Variants in ZNF718 observed in about 807,000 individuals in gnomAD.
ZNF718 encodes the protein zinc finger protein 718.
A neutral mutation model predicts 2.6 loss-of-function variants in ZNF718; 3 were observed. The ratio of observed to expected loss-of-function variants is 1.16; its 90% CI spans 0.53 to 3.01. ZNF718 has a LOEUF of 3.01. Ranked by LOEUF, ZNF718 falls within the 30% of genes most tolerant of loss-of-function variation. The pLI, the probability that ZNF718 is intolerant of heterozygous loss-of-function variation, is 0.03. For missense variants in ZNF718, 468 were observed against 230.0 expected (o/e 2.03, Z -6.69); for synonymous variants, 135 against 77.9 (o/e 1.73, Z -3.86).
At chr4:142,574 G>T (rs1421947476) in intron 3 of ZNF718, among the ~76,000 whole-genome samples, 1 of 152,148 alleles carries the variant, frequency 6.6e-6, no homozygotes, top group Non-Finnish European at 1.5e-5. Context: ...CCTTTCCCAT[G>T]GTTTAAAGTA....
At chr4:134,418 A>G (rs1285952550) in intron 3 of ZNF718, among the ~76,000 whole-genome samples, 1 of 152,206 alleles carries the variant, frequency 6.6e-6, no homozygotes, top group African/African-American at 2.4e-5. Flanking sequence ...GCTGGGGATT[A>G]CAGGCGTGAG....
intron 3 of ZNF718, among the ~76,000 whole-genome samples, chr4:171,199 C>T (rs1717219308): frequency 6.6e-6 from 1 of 152,150 alleles, no homozygotes; most frequent in Non-Finnish European, 1.5e-5. Context: ...CTGATCGTTC[C>T]TCTGGAAGTT....
rs1363235170 is a variant in ZNF718, at chr4:124,527, G to A, written c.-144G>A. On this transcript the variant is annotated 5_prime_UTR_variant, in exon 1 of 4. Coordinates refer to ENST00000510175, the MANE Select transcript of ZNF718 (RefSeq NM_001039127.6). ...GCTTTTGCTTGTAGCTCCAGCCAGA[G>A]CTCGGTTAGGGCCTCATCGCTCTGC... 7.9e-5 allele frequency: 93 copies of A among 1,172,410 alleles called. No individual in the cohort carries two copies. Among genetic ancestry groups the A allele is most frequent in the Non-Finnish European group, 1.1e-4 (89 of 801,572 alleles). 72.6% of individuals were successfully genotyped at this position (1,172,410 alleles called of 1,614,324 possible).
In ZNF718 at chr4:160,963, A is replaced by T. The variant is rs781956027; in HGVS notation, c.278A>T (p.Asp93Val). ...CTTTGGACAGTGCAGGGCATAGAAG[A>T]TTCATTCCACAAACTTATACCAAAA... The part of the protein sequence containing the change: ...QNLWTVQGIE[D>V]SFHKLIPKGH... Residue 93 changes from aspartate (D) to valine (V), a missense_variant, in exon 4 of 4, where the codon GAT becomes GTT. Coordinates refer to ENST00000510175, the MANE Select transcript of ZNF718 (RefSeq NM_001039127.6). 1.3e-6 allele frequency: 1 copy of T among 780,890 alleles called. No homozygotes were observed. The highest frequency in any genetic ancestry group is 1.3e-5 in the South Asian group (1 of 74,606). 48.4% of individuals were successfully genotyped at this position (780,890 alleles called of 1,614,324 possible). A position where few individuals can be genotyped will look rare whatever the true frequency, so the allele number is the denominator to read the frequency against.
intron 3 of ZNF718, among the ~76,000 whole-genome samples, chr4:146,099 A>G (rs1553811256): frequency 7.0e-6 from 1 of 142,214 alleles, no homozygotes; most frequent in Non-Finnish European, 1.5e-5. Flanking sequence ...ATATATATAT[A>G]TGTTTTCCAG....
chr4:200,868 G>T (rs1553822679), intron 3 of ZNF718, among the ~76,000 whole-genome samples: 1 of 152,128 alleles, frequency 6.6e-6, no homozygotes, highest in East Asian at 1.9e-4. Flanking sequence ...AAATTCACAA[G>T]GCAATACTTC....
At chr4:198,083 G>T (rs555830402) in intron 3 of ZNF718, among the ~76,000 whole-genome samples, 2 of 152,118 alleles carry the variant, frequency 1.3e-5, no homozygotes, top group Non-Finnish European at 2.9e-5. Context: ...GGGTAGCAGT[G>T]GCACTTGCTT....
chr4:155,024 AG>A (rs1716499889), intron 3 of ZNF718, among the ~76,000 whole-genome samples: 2 of 152,196 alleles, frequency 1.3e-5, no homozygotes, highest in Admixed American at 6.5e-5. Context: ...GGTACAGCTT[AG>A]GCCTTGGCTT....
chr4:167,455 C>T (rs185938935), downstream of ZNF718, among the ~76,000 whole-genome samples: 2,672 of 152,226 alleles, frequency 0.018, 80 homozygotes, highest in African/African-American at 0.061. Flanking sequence ...TGGCCATTTT[C>T]ATGATATTGA....
intron 3 of ZNF718, chr4:136,548 T>G (rs781984374): frequency 2.0e-6 from 1 of 496,630 alleles, no homozygotes. Flanking sequence ...GTTGGCCACC[T>G]GGGTGAGGCC....
intron 3 of ZNF718, among the ~76,000 whole-genome samples, chr4:145,469 C>G (rs746289127): frequency 6.6e-6 from 1 of 152,114 alleles, no homozygotes; most frequent in East Asian, 1.9e-4. Context: ...AACAATGTAA[C>G]TTCTTTTTTT....
At chr4:138,769 C>A (rs576103888) in intron 3 of ZNF718, among the ~76,000 whole-genome samples, 15 of 152,180 alleles carry the variant, frequency 9.9e-5, no homozygotes, top group African/African-American at 3.4e-4. Flanking sequence ...GTTCAACTTT[C>A]ACTTTTCTCC....
chr4:157,963 A>G (rs1337767319), intron 3 of ZNF718, among the ~76,000 whole-genome samples: 2 of 151,916 alleles, frequency 1.3e-5, no homozygotes, highest in African/African-American at 4.9e-5. Context: ...TGCTTTGTAT[A>G]TCTTGGCTTT....
At chr4:143,883 A>G (rs544265118) in intron 3 of ZNF718, among the ~76,000 whole-genome samples, 146 of 152,222 alleles carry the variant, frequency 9.6e-4, no homozygotes, top group Non-Finnish European at 1.9e-3. Context: ...AAGCCAGCAT[A>G]AAGCAGTTAC....
chr4:158,736 T>C (rs1253008034), intron 3 of ZNF718, among the ~76,000 whole-genome samples: 2 of 151,830 alleles, frequency 1.3e-5, no homozygotes, highest in African/African-American at 4.8e-5. Flanking sequence ...ATCTTTCACA[T>C]TTTGGAGAAT....
intron 3 of ZNF718, among the ~76,000 whole-genome samples, chr4:143,830 G>A (rs998305929): frequency 6.6e-6 from 1 of 152,116 alleles, no homozygotes; most frequent in South Asian, 2.1e-4. Flanking sequence ...AGACAGAACA[G>A]GGCGAGAGTA....
rs1350767354 is a variant in ZNF718, at chr4:130,936, A to C, written c.130+22A>C. ...CTGGGTAAGGATAACTTTAATATGTAATTCCTAATACTTTTTCAGAATTTC... is the reference window on the plus strand; with the variant it reads ...CTGGGTAAGGATAACTTTAATATGTCATTCCTAATACTTTTTCAGAATTTC... On this transcript the variant is annotated intron_variant, in intron 2 of 3. Coordinates refer to ENST00000510175, the MANE Select transcript of ZNF718 (RefSeq NM_001039127.6). The C allele has an allele frequency of 6.3e-6, 2 of 316,566 alleles. 1 individual carries two copies. The highest frequency in any genetic ancestry group is 1.1e-5 in the Non-Finnish European group (2 of 174,098). The allele number at this position is 316,566 out of a possible 1,614,324, so 19.6% of individuals were successfully genotyped here.
chr4:198,212 G>A (rs1717830130), intron 3 of ZNF718, among the ~76,000 whole-genome samples: 1 of 152,098 alleles, frequency 6.6e-6, no homozygotes, highest in Non-Finnish European at 1.5e-5. Context: ...GCACAATAAA[G>A]TTGATGTTGA....
At chr4:189,543 A>G (rs568717927) in intron 3 of ZNF718, among the ~76,000 whole-genome samples, 4 of 152,326 alleles carry the variant, frequency 2.6e-5, no homozygotes, top group South Asian at 4.1e-4. Flanking sequence ...TGATAAATTT[A>G]TAATAGTTTT....
Sources: gnomAD v4.1 joint callset for allele counts (sites outside exome capture counted in the v4.1 genomes callset) on GRCh38, gnomAD v4.1.1 for gene constraint, MANE v1.5 for transcripts, NCBI Gene and HGNC (gene_info 2026-07-23, HGNC 2026-07-21) for gene names.